The following LRRC37A2 variants were observed in gnomAD, a reference collection of about 807,000 sequenced individuals.
LRRC37A2 encodes the protein leucine rich repeat containing 37 member A2.
Under a neutral mutation model 68.8 loss-of-function variants are expected in LRRC37A2, and 9 were observed. The ratio of observed to expected loss-of-function variants is 0.13; its 90% confidence interval spans 0.08 to 0.23. LRRC37A2 has a LOEUF of 0.23. Among genes scored for constraint, LRRC37A2 ranks in the 10% least tolerant of loss-of-function variants. The pLI, the probability that LRRC37A2 is intolerant of heterozygous loss-of-function variation, is 1.00. For synonymous variants in LRRC37A2, 63 were observed against 367.6 expected (o/e 0.17, Z 9.48); for missense variants, 168 against 950.4 (o/e 0.18, Z 10.82).
chr17:46,838,790 CAG>C, the LRRC37A2 span, among the ~76,000 whole-genome samples: 1 of 152,134 alleles, frequency 6.6e-6, no homozygotes, highest in South Asian at 2.1e-4. Flanking sequence ...TTTACAAAAA[CAG>C]ATAATTTGGC....
At chr17:46,708,164 A>G in the LRRC37A2 span, among the ~76,000 whole-genome samples, 60 of 152,224 alleles carry the variant, frequency 3.9e-4, no homozygotes, top group African/African-American at 1.3e-3. Flanking sequence ...GGCTGTACAG[A>G]TATCTCTTCA....
At chr17:46,800,317 G>C in the LRRC37A2 span, among the ~76,000 whole-genome samples, 1 of 152,108 alleles carries the variant, frequency 6.6e-6, no homozygotes, top group Non-Finnish European at 1.5e-5. Context: ...CACCGTGTTG[G>C]TCAGGCTGGT....
the LRRC37A2 span, among the ~76,000 whole-genome samples, chr17:46,711,694 GTTATAA>G: frequency 1.3e-5 from 2 of 152,278 alleles, no homozygotes; most frequent in Middle Eastern, 6.8e-3. Flanking sequence ...TTAATTTACA[GTTATAA>G]TTAGTATGAC....
At chr17:46,767,384 G>A in the LRRC37A2 span, among the ~76,000 whole-genome samples, 2 of 152,116 alleles carry the variant, frequency 1.3e-5, no homozygotes, top group Non-Finnish European at 2.9e-5. Flanking sequence ...CTTATATGCC[G>A]CTTCCCCCCA....
the LRRC37A2 span, among the ~76,000 whole-genome samples, chr17:46,890,466 C>T: frequency 2.0e-5 from 3 of 152,106 alleles, no homozygotes; most frequent in Non-Finnish European, 4.4e-5. Context: ...GACCAGGGAG[C>T]GGGAGGTCTT....
chr17:46,827,873 A>C, the LRRC37A2 span, among the ~76,000 whole-genome samples: 1 of 150,020 alleles, frequency 6.7e-6, no homozygotes, highest in Non-Finnish European at 1.5e-5. Context: ...GCAGTGGTGC[A>C]ATCTCGGCTC....
At chr17:47,008,049 A>C in the LRRC37A2 span, among the ~76,000 whole-genome samples, 1 of 152,018 alleles carries the variant, frequency 6.6e-6, no homozygotes, top group African/African-American at 2.4e-5. Context: ...AATTTAATTA[A>C]GTTTTCAAAA....
At chr17:46,821,451 C>T in the LRRC37A2 span, among the ~76,000 whole-genome samples, 3 of 152,138 alleles carry the variant, frequency 2.0e-5, no homozygotes, top group Admixed American at 1.3e-4. Context: ...GGAGGGCGGG[C>T]GCCCCTGACC....
chr17:46,954,263 G>A, the LRRC37A2 span, among the ~76,000 whole-genome samples: 6 of 152,216 alleles, frequency 3.9e-5, no homozygotes, highest in Non-Finnish European at 7.3e-5. Flanking sequence ...TGGCTAGCCA[G>A]TTTTCTCAGC....
the LRRC37A2 span, chr17:46,923,468 C>T: frequency 2.1e-6 from 3 of 1,399,844 alleles, no homozygotes; most frequent in Non-Finnish European, 2.8e-6. Flanking sequence ...TTCGTGACTA[C>T]CTGCTGGGTA....
the LRRC37A2 span, among the ~76,000 whole-genome samples, chr17:46,776,822 A>G: frequency 6.6e-6 from 1 of 152,108 alleles, no homozygotes; most frequent in South Asian, 2.1e-4. Context: ...GGACCACTGG[A>G]GCGGAGAGCT....
the LRRC37A2 span, chr17:46,964,453 A>G: frequency 1.3e-5 from 2 of 152,348 alleles, no homozygotes; most frequent in African/African-American, 4.8e-5. Context: ...AGAACAGAAC[A>G]TGGCCTAGGA....
the LRRC37A2 span, among the ~76,000 whole-genome samples, chr17:46,809,334 G>A: frequency 8.5e-5 from 13 of 152,292 alleles, no homozygotes; most frequent in South Asian, 6.2e-4. Context: ...TTCCTAATGG[G>A]CCCTGCGAGA....
At chr17:47,017,669 C>T in the LRRC37A2 span, 7 of 1,610,796 alleles carry the variant, frequency 4.3e-6, no homozygotes, top group African/African-American at 1.3e-5. Flanking sequence ...AGCGTTGGAG[C>T]CTTGCTGAGA....
the LRRC37A2 span, among the ~76,000 whole-genome samples, chr17:46,801,388 G>A: frequency 6.6e-6 from 1 of 152,250 alleles, no homozygotes; most frequent in South Asian, 2.1e-4. Context: ...GGGAGGCTGA[G>A]GTGGGCACAT....
chr17:46,550,883 T>C (rs1472562648), intron 11 of LRRC37A2, among the ~76,000 whole-genome samples: 1 of 146,612 alleles, frequency 6.8e-6, no homozygotes, highest in Non-Finnish European at 1.5e-5. Context: ...AGGTATAATC[T>C]CCACCCTCAC....
chr17:46,721,807 A>C, the LRRC37A2 span: 1 of 1,601,106 alleles, frequency 6.2e-7, no homozygotes, highest in Non-Finnish European at 8.6e-7. Context: ...CTGTCAGAGT[A>C]CGGCTCCTGG....
At chr17:46,903,476 A>G in the LRRC37A2 span, among the ~76,000 whole-genome samples, 9 of 152,138 alleles carry the variant, frequency 5.9e-5, no homozygotes, top group African/African-American at 2.2e-4. Context: ...GAATTGACCA[A>G]TCCAGAGGTT....
At chr17:46,755,761 A>G in the LRRC37A2 span, 3 of 1,529,958 alleles carry the variant, frequency 2.0e-6, no homozygotes, top group African/African-American at 1.5e-5. Context: ...TTTTTTACGG[A>G]CCCTCATCTG....
Sources: allele counts gnomAD v4.1 joint callset (sites outside exome capture counted in the v4.1 genomes callset), GRCh38; gene constraint gnomAD v4.1.1; transcripts MANE v1.5; gene names NCBI Gene and HGNC (gene_info 2026-07-23, HGNC 2026-07-21).